The following CDC25A variants were observed in gnomAD, a reference collection of about 807,000 sequenced individuals.
The protein encoded by CDC25A is M-phase inducer phosphatase 1.
In CDC25A, 17 loss-of-function variants were observed where a neutral mutation model predicts 64.6. The observed-to-expected ratio is 0.26, with a 90% CI of 0.18 to 0.39. The LOEUF is 0.39. Among genes scored for constraint, CDC25A ranks in the 10% least tolerant of loss-of-function variants. The probability of loss-of-function intolerance (pLI) is 1.00; values close to 1 mark genes in which losing one functional copy is unlikely to be tolerated. For synonymous variants in CDC25A, 229 were observed against 238.6 expected, an observed-to-expected ratio of 0.96 and a Z score of 0.37; for missense variants, 473 against 654.8, an observed-to-expected ratio of 0.72 and a Z score of 3.03.
intron 1 of CDC25A, among the ~76,000 whole-genome samples, chr3:48,187,069 G>A (rs1267841581): frequency 6.6e-6 from 1 of 152,226 alleles, no homozygotes; most frequent in African/African-American, 2.4e-5. Flanking sequence ...TAAGTACTGA[G>A]ACAGAGTCGG....
At chr3:48,184,725 A>C (rs774770548) in intron 2 of CDC25A, 30 bp from the exon 3 acceptor site, 171 of 1,532,402 alleles carry the variant, frequency 1.1e-4, no homozygotes, top group Non-Finnish European at 1.5e-4. Flanking sequence ...CTCTCAAGAA[A>C]TAATACAAAA....
intron 2 of CDC25A, among the ~76,000 whole-genome samples, chr3:48,186,449 A>C (rs1233477344): frequency 6.6e-6 from 1 of 152,000 alleles, no homozygotes; most frequent in African/African-American, 2.4e-5. Flanking sequence ...CATGCCTGTA[A>C]TCCCAGCTAC....
At chr3:48,178,205 C>T (rs2032538280) in intron 6 of CDC25A, among the ~76,000 whole-genome samples, 2 of 152,184 alleles carry the variant, frequency 1.3e-5, no homozygotes, top group Non-Finnish European at 2.9e-5. Flanking sequence ...TTACAGAGAA[C>T]TCTTGCCAGA....
chr3:48,173,479 T>TC (rs1433628520), intron 9 of CDC25A, among the ~76,000 whole-genome samples: 2 of 152,174 alleles, frequency 1.3e-5, no homozygotes, highest in African/African-American at 4.8e-5. Flanking sequence ...AAGCCTGCTC[T>TC]CCCTAGGCAA....
At chr3:48,182,124 C>T (rs1417438056) in intron 5 of CDC25A, among the ~76,000 whole-genome samples, 1 of 152,176 alleles carries the variant, frequency 6.6e-6, no homozygotes, top group Non-Finnish European at 1.5e-5. Flanking sequence ...GAGGCTGATA[C>T]ACTGTTCCAA....
rs1345499792 is a variant in CDC25A, at chr3:48,157,283, AC to A, written c.*1661del. On this transcript the variant is annotated 3_prime_UTR_variant, in exon 15 of 15. Transcript: ENST00000302506. ...TCCCACCTTTCTCTTTAGGCAGTCAACCAACAGAATCTCTTTCTTACAAACA... is the reference window on the plus strand; with the variant it reads ...TCCCACCTTTCTCTTTAGGCAGTCAACAACAGAATCTCTTTCTTACAAACA... 1 of 152,248 alleles carries A rather than the reference AC, an allele frequency of 6.6e-6. No individual in the cohort carries two copies. The highest frequency in any genetic ancestry group is 1.5e-5 in the Non-Finnish European group (1 of 68,042). 9.4% of individuals were successfully genotyped at this position (152,248 alleles called of 1,614,324 possible).
At position 48,158,790 on chromosome 3, in the gene CDC25A, C is replaced by T; in HGVS notation, c.*155G>A. On this transcript the variant is annotated 3_prime_UTR_variant, in exon 15 of 15. Transcript: ENST00000302506. ...CCAGCAAGATGCCCTGGGCTCCAAC[C>T]TTGGGAGTGTGGGAGGTAGGTTTAA... The T allele has an allele frequency of 1.1e-6, 1 of 887,420 alleles. No individual in the cohort carries two copies. The highest frequency in any genetic ancestry group is 1.7e-6 in the Non-Finnish European group (1 of 575,314). 55.0% of individuals were successfully genotyped at this position (887,420 alleles called of 1,614,324 possible).
At position 48,158,999 on chromosome 3, in the gene CDC25A, G is replaced by C. The variant is rs149491375; in HGVS notation, c.1521C>G (p.Thr507=). ...CCCTCTTGCTCTTCTCCCCTGCCCA[G>C]GTCCGGCTCTTGGTGCGGAACTTCT... ...DLKKFRTKSR[T]WAGEKSKREM... is the part of the protein sequence containing the mutation. The change falls in exon 15 of 15, where the codon ACC becomes ACG. Residue 507 remains threonine (T), a synonymous_variant. Coordinates refer to ENST00000302506, the MANE Select transcript of CDC25A (RefSeq NM_001789.3). The C allele has an allele frequency of 1.2e-6, 2 of 1,614,174 alleles. No individual in the cohort carries two copies. Among genetic ancestry groups the C allele is most frequent in the South Asian group, 1.1e-5 (1 of 91,078 alleles).
chr3:48,185,431 A>AAAG (rs1389997587), intron 2 of CDC25A, among the ~76,000 whole-genome samples: 5 of 151,358 alleles, frequency 3.3e-5, no homozygotes, highest in African/African-American at 9.7e-5. Flanking sequence ...TCAAAAAAAA[A>AAAG]AAAAAAAAAA....
intron 13 of CDC25A, among the ~76,000 whole-genome samples, chr3:48,162,501 T>A (rs975965672): frequency 6.6e-6 from 1 of 152,068 alleles, no homozygotes; most frequent in Non-Finnish European, 1.5e-5. Context: ...CCCAAAGTGT[T>A]GGGATTACAG....
At chr3:48,175,642 T>C (rs1338179520) in intron 8 of CDC25A, among the ~76,000 whole-genome samples, 1 of 152,192 alleles carries the variant, frequency 6.6e-6, no homozygotes, top group African/African-American at 2.4e-5. Flanking sequence ...TAGTTTGTAA[T>C]AACCATTTGT....
chr3:48,169,207 TG>T (rs2032174289), intron 9 of CDC25A, among the ~76,000 whole-genome samples: 1 of 152,228 alleles, frequency 6.6e-6, no homozygotes, highest in Non-Finnish European at 1.5e-5. Flanking sequence ...CAGTGTTTGA[TG>T]AGTGTAAGTT....
At chr3:48,186,366 C>T (rs1487937384) in intron 2 of CDC25A, among the ~76,000 whole-genome samples, 4 of 152,086 alleles carry the variant, frequency 2.6e-5, no homozygotes, top group African/African-American at 7.2e-5. Flanking sequence ...GTTGTGAATT[C>T]GAGACCAGGC....
At chr3:48,166,285 AAAAC>A (rs1046599195) in intron 10 of CDC25A, among the ~76,000 whole-genome samples, 10 of 152,262 alleles carry the variant, frequency 6.6e-5, no homozygotes, top group East Asian at 3.9e-4. Flanking sequence ...TCCCTCTCAA[AAAAC>A]AAACAAACAA....
At chr3:48,180,434 T>A in intron 6 of CDC25A, 1 of 269,176 alleles carries the variant, frequency 3.7e-6, no homozygotes, top group Non-Finnish European at 6.9e-6. Flanking sequence ...AGAGATATAA[T>A]CCCACCATAC....
intron 9 of CDC25A, among the ~76,000 whole-genome samples, chr3:48,171,573 G>T (rs2106720501): frequency 6.6e-6 from 1 of 151,522 alleles, no homozygotes; most frequent in South Asian, 2.1e-4. Flanking sequence ...TAGAGACAGG[G>T]TTTCACCATA....
intron 13 of CDC25A, 126 bp downstream of exon 13, chr3:48,164,181 G>T: frequency 1.2e-6 from 1 of 810,640 alleles, no homozygotes; most frequent in East Asian, 2.9e-5. Flanking sequence ...TATGAAAATG[G>T]CTTGTTATGT....
chr3:48,167,717 A>T, intron 10 of CDC25A, 129 bp downstream of exon 10: 1 of 626,764 alleles, frequency 1.6e-6, no homozygotes, highest in Non-Finnish European at 2.9e-6. Context: ...CCCTACCTTT[A>T]ACATTCTTTT....
chr3:48,182,994 T>G lies in CDC25A; in HGVS notation c.364A>C (p.Ser122Arg). 1 of 1,613,460 alleles carries G rather than the reference T, an allele frequency of 6.2e-7. No homozygotes were observed. The highest frequency in any genetic ancestry group is 1.1e-5 in the South Asian group (1 of 91,068). ...LLGCSPALKR[S>R]HSDSLDHDIF... ...TCATGGTCAAGAGAATCAGAATGGC[T>G]CCTCTTCAGAGCTGGACTACATCCC... The change falls in exon 5 of 15, where the codon AGC becomes CGC. Residue 122 changes from serine (S) to arginine (R), a missense_variant. By Grantham distance (110) the Ser-to-Arg change is moderately radical. This residue lies in a region of CDC25A where 376 missense variants were observed against 431.9 expected (regional missense o/e 0.87). Transcript: ENST00000302506.
Sources: allele counts gnomAD v4.1 joint callset (sites outside exome capture counted in the v4.1 genomes callset), GRCh38; gene constraint gnomAD v4.1.1; regional missense constraint gnomAD v4.1.1; transcripts MANE v1.5; gene names NCBI Gene and HGNC (gene_info 2026-07-23, HGNC 2026-07-21).